Variants in ZFP1 observed in about 807,000 individuals in gnomAD.
ZFP1 encodes ZFP1 zinc finger protein, also known as zinc finger protein 1 homolog.
Under a neutral mutation model 38.5 loss-of-function variants are expected in ZFP1, and 32 were observed. That is an observed-to-expected ratio of 0.83 (90% CI 0.63 to 1.12). The LOEUF (loss-of-function observed/expected upper bound fraction) is 1.12, where lower values mean the gene tolerates loss of function less well. Ranked by LOEUF, ZFP1 falls within the 50% of genes most tolerant of loss-of-function variation. The pLI is 0.00. For synonymous variants in ZFP1, 245 were observed against 168.8 expected (o/e 1.45, Z -3.50); for missense variants, 616 against 480.8 (o/e 1.28, Z -2.63).
At chr16:75,120,198 A>ATGTTTT in the ZFP1 span, among the ~76,000 whole-genome samples, 23 of 152,132 alleles carry the variant, frequency 1.5e-4, no homozygotes, top group East Asian at 3.9e-3. Flanking sequence ...AAAGGACTTC[A>ATGTTTT]TGTTTTTGTT....
intron 2 of ZFP1, among the ~76,000 whole-genome samples, chr16:75,155,927 G>A (rs1014239039): frequency 2.0e-5 from 3 of 152,126 alleles, no homozygotes; most frequent in Non-Finnish European, 4.4e-5. Flanking sequence ...TCTAATTGGT[G>A]GAGGTTTTTT....
intron 2 of ZFP1, 27 bp from the exon 3 acceptor site, chr16:75,166,743 A>G: frequency 6.2e-7 from 1 of 1,614,166 alleles, no homozygotes; most frequent in Non-Finnish European, 8.5e-7. Context: ...TGATCATCTT[A>G]GGATGAATAA....
At chr16:75,129,258 T>C in the ZFP1 span, among the ~76,000 whole-genome samples, 3 of 152,136 alleles carry the variant, frequency 2.0e-5, no homozygotes, top group Non-Finnish European at 4.4e-5. Context: ...TCCTAGCAAC[T>C]AGGGACTTAC....
the ZFP1 span, among the ~76,000 whole-genome samples, chr16:75,133,232 C>T: frequency 6.6e-6 from 1 of 152,190 alleles, no homozygotes; most frequent in Non-Finnish European, 1.5e-5. Context: ...CCGCTTTGGC[C>T]TCCCAAAGTG....
chr16:75,155,318 G>C (rs1046991689), intron 2 of ZFP1, among the ~76,000 whole-genome samples: 1 of 152,102 alleles, frequency 6.6e-6, no homozygotes, highest in Non-Finnish European at 1.5e-5. Flanking sequence ...TTTTTTTGTA[G>C]AGATGGAGTT....
chr16:75,147,191 C>G (rs1452143393), upstream of ZFP1, among the ~76,000 whole-genome samples: 2 of 152,230 alleles, frequency 1.3e-5, no homozygotes, highest in African/African-American at 4.8e-5. Flanking sequence ...CTGTACGATA[C>G]TGTAATGGTT....
At chr16:75,130,018 GAC>G in the ZFP1 span, among the ~76,000 whole-genome samples, 11 of 151,950 alleles carry the variant, frequency 7.2e-5, no homozygotes, top group Non-Finnish European at 1.5e-4. Context: ...TTTTTTTTCA[GAC>G]AGAGTCCACT....
At chr16:75,142,547 G>A in the ZFP1 span, among the ~76,000 whole-genome samples, 1 of 152,064 alleles carries the variant, frequency 6.6e-6, no homozygotes, top group Non-Finnish European at 1.5e-5. Context: ...AGTGTCTCTA[G>A]CACCAGTGAG....
Position 75,152,927 on chromosome 16 carries a change from C to T in ZFP1, c.-25C>T, listed in dbSNP as rs1227539068. ...ATTCCAGTTCTGCCTTCATAGTTCT[C>T]TGCCTTTGCCCAAAACTGCAGAAAA... is the stretch of plus-strand genomic sequence containing the variant. On this transcript the variant is annotated 5_prime_UTR_variant, in exon 2 of 4. Transcript: ENST00000570010. The T allele has an allele frequency of 5.6e-6, 9 of 1,613,508 alleles. No homozygotes were observed. The highest frequency in any genetic ancestry group is 1.3e-5 in the African/African-American group (1 of 74,896).
rs773170980 is a variant in ZFP1, at chr16:75,169,557, C to T, written c.447C>T (p.Thr149=). ...KALLYLKQEK[T]HSGVEYSEYN... is the part of the protein sequence containing the mutation. Reference sequence around the variant, plus strand: ...TTCTCTACCTGAAGCAAGAGAAAACCCACAGTGGAGTAGAATATTCTGAAT... The same window carrying T: ...TTCTCTACCTGAAGCAAGAGAAAACTCACAGTGGAGTAGAATATTCTGAAT... The change falls in exon 4 of 4, where the codon ACC becomes ACT. Residue 149 remains threonine, a synonymous_variant. Coordinates refer to ENST00000570010, the MANE Select transcript of ZFP1 (RefSeq NM_153688.4). 3 of 1,611,608 alleles carry T rather than the reference C, an allele frequency of 1.9e-6. No individual in the cohort carries two copies. Among genetic ancestry groups the T allele is most frequent in the Admixed American group, 1.7e-5 (1 of 59,234 alleles).
the ZFP1 span, among the ~76,000 whole-genome samples, chr16:75,137,502 C>T: frequency 7.6e-6 from 1 of 131,012 alleles, no homozygotes; most frequent in African/African-American, 3.0e-5. Flanking sequence ...TCGCTCTGTC[C>T]CAGGCTGGAG....
chr16:75,164,653 G>A (rs1315228678), intron 2 of ZFP1, among the ~76,000 whole-genome samples: 3 of 151,994 alleles, frequency 2.0e-5, no homozygotes, highest in Non-Finnish European at 4.4e-5. Context: ...ACTCTGGCTC[G>A]TTGTCCAGAT....
the ZFP1 span, among the ~76,000 whole-genome samples, chr16:75,132,345 T>C: frequency 1.3e-5 from 2 of 150,102 alleles, no homozygotes; most frequent in African/African-American, 4.9e-5. Flanking sequence ...GACAAGATCA[T>C]GCCACTGAGC....
rs1051777225 is a variant in ZFP1, at chr16:75,154,172, T to C, written c.15+1206T>C. On this transcript the variant is annotated intron_variant, in intron 2 of 3. Coordinates refer to ENST00000570010, the MANE Select transcript of ZFP1 (RefSeq NM_153688.4). ...CCAGGAGGCGGAGCTTGCAGTGAGC[T>C]GAGATCGCGCCACTGAACTCCAGCC... 5.3e-5 allele frequency among the ~76,000 whole-genome samples: 8 copies of C among 151,912 alleles called. 1 individual carries two copies. Among genetic ancestry groups the C allele is most frequent in the East Asian group, 1.9e-4 (1 of 5,154 alleles).
the ZFP1 span, among the ~76,000 whole-genome samples, chr16:75,127,673 A>G: frequency 3.9e-4 from 59 of 152,120 alleles, 1 homozygote; most frequent in Admixed American, 2.0e-4. Flanking sequence ...TTGTGACATC[A>G]GCATAAAGGA....
chr16:75,167,966 G>T (rs1044338308), intron 3 of ZFP1, among the ~76,000 whole-genome samples: 1 of 152,098 alleles, frequency 6.6e-6, no homozygotes, highest in Non-Finnish European at 1.5e-5. Flanking sequence ...GGTGGCATGT[G>T]CCTGTAATCC....
At chr16:75,165,543 C>T (rs918587779) in intron 2 of ZFP1, among the ~76,000 whole-genome samples, 1 of 151,964 alleles carries the variant, frequency 6.6e-6, no homozygotes, top group Non-Finnish European at 1.5e-5. Flanking sequence ...TACAGGCGCC[C>T]TCTACCACAC....
the ZFP1 span, among the ~76,000 whole-genome samples, chr16:75,133,265 C>T: frequency 7.4e-4 from 112 of 152,252 alleles, 2 homozygotes; most frequent in South Asian, 0.012. Flanking sequence ...TGTGAGCCAC[C>T]GTGCCTGGCC....
chr16:75,163,327 T>G (rs921898792), intron 2 of ZFP1, among the ~76,000 whole-genome samples: 1 of 150,910 alleles, frequency 6.6e-6, no homozygotes, highest in African/African-American at 2.4e-5. Context: ...TTTTTTTGAG[T>G]ACATTCTTGC....
Sources: gnomAD v4.1 joint callset for allele counts (sites outside exome capture counted in the v4.1 genomes callset) on GRCh38, gnomAD v4.1.1 for gene constraint, MANE v1.5 for transcripts, NCBI Gene and HGNC (gene_info 2026-07-23, HGNC 2026-07-21) for gene names.